Variants in BCL2L1 observed in about 807,000 individuals in gnomAD.
BCL2L1 encodes bcl-2-like protein 1.
A neutral mutation model predicts 18.7 loss-of-function variants in BCL2L1; 1 was observed. The observed-to-expected ratio is 0.05, with a 90% CI of 0.02 to 0.25. The LOEUF is 0.25. Ranked by LOEUF, BCL2L1 falls within the 10% of genes least tolerant of loss-of-function variation. The pLI is 1.00. For synonymous variants in BCL2L1, 103 were observed against 122.7 expected (o/e 0.84, Z 1.06); for missense variants, 207 against 304.9 (o/e 0.68, Z 2.39).
intron 2 of BCL2L1, among the ~76,000 whole-genome samples, chr20:31,693,589 G>C (rs747221976): frequency 1.3e-5 from 2 of 152,174 alleles, no homozygotes; most frequent in Non-Finnish European, 2.9e-5. Context: ...CTGGAGAACA[G>C]TGGCGCGATC....
At chr20:31,720,013 C>A in intron 2 of BCL2L1, 4 of 865,714 alleles carry the variant, frequency 4.6e-6, no homozygotes, top group Non-Finnish European at 5.5e-6. Context: ...GAGGTCACTG[C>A]ACAAACCAAC....
chr20:31,666,672 C>G (rs777307272), intron 2 of BCL2L1, among the ~76,000 whole-genome samples: 1 of 152,012 alleles, frequency 6.6e-6, no homozygotes, highest in Non-Finnish European at 1.5e-5. Flanking sequence ...GCTCCTCCCT[C>G]TGGAGGGAGC....
At position 31,701,106 on chromosome 20, in the gene BCL2L1, T is replaced by G. The variant is rs1340793268; in HGVS notation, c.564+20549A>C. On this transcript the variant is annotated intron_variant, in intron 2 of 2. Coordinates refer to ENST00000307677, the MANE Select transcript of BCL2L1 (RefSeq NM_138578.3). Reference sequence around the variant, plus strand: ...GTCTTGCTCTGTCGCCAGGCCGGAGTGCAGTGGTGTGATCTCAGCTCACTG... The same window carrying G: ...GTCTTGCTCTGTCGCCAGGCCGGAGGGCAGTGGTGTGATCTCAGCTCACTG... Among the ~76,000 whole-genome samples the G allele has an allele frequency of 3.3e-5, 5 of 152,008 alleles. No homozygotes were observed. In the East Asian group the frequency reaches 7.7e-4, roughly 23 times the overall value.
intron 2 of BCL2L1, among the ~76,000 whole-genome samples, chr20:31,697,461 G>A (rs1002013377): frequency 2.0e-5 from 3 of 150,972 alleles, no homozygotes; most frequent in Admixed American, 1.3e-4. Context: ...TTTTTTAGAC[G>A]GAGTCTCGCT....
At chr20:31,678,183 T>C (rs2060795021) in intron 2 of BCL2L1, among the ~76,000 whole-genome samples, 2 of 152,190 alleles carry the variant, frequency 1.3e-5, no homozygotes, top group South Asian at 2.1e-4. Flanking sequence ...TCTGAGGTCT[T>C]TGACCCCAAG....
At chr20:31,723,357 A>G, upstream of BCL2L1, 1 of 985,498 alleles carries the variant, frequency 1.0e-6, no homozygotes, top group Non-Finnish European at 1.2e-6. Context: ...TCAGGTCAGG[A>G]AGAGGGGTCG....
chr20:31,665,868 C>CT lies in BCL2L1; in HGVS notation c.*80dup. 2 of 1,557,106 alleles carry CT rather than the reference C, an allele frequency of 1.3e-6. No homozygotes were observed. The highest frequency in any genetic ancestry group is 1.7e-6 in the Non-Finnish European group (2 of 1,143,622). ...GCATGGGCTGCATGTAGTGGTTCTC[C>CT]TGGTGGCAATGGCGGCTGGACGGAG... On this transcript the variant is annotated 3_prime_UTR_variant, in exon 3 of 3. Transcript: ENST00000307677.
intron 2 of BCL2L1, among the ~76,000 whole-genome samples, chr20:31,698,241 C>A (rs2061215534): frequency 6.6e-6 from 1 of 152,124 alleles, no homozygotes; most frequent in African/African-American, 2.4e-5. Flanking sequence ...TCAAAACCCT[C>A]CAATGACTCT....
At chr20:31,709,568 T>A (rs2122765224) in intron 2 of BCL2L1, among the ~76,000 whole-genome samples, 1 of 151,972 alleles carries the variant, frequency 6.6e-6, no homozygotes, top group South Asian at 2.1e-4. Flanking sequence ...GTGCGGTGGC[T>A]CATGCCTGTA....
chr20:31,705,191 C>A (rs1302442797), intron 2 of BCL2L1, among the ~76,000 whole-genome samples: 1 of 152,170 alleles, frequency 6.6e-6, no homozygotes, highest in Non-Finnish European at 1.5e-5. Flanking sequence ...AATAAGAGAA[C>A]CTACCTGAGT....
At chr20:31,678,748 C>T (rs1210051927) in intron 2 of BCL2L1, among the ~76,000 whole-genome samples, 2 of 152,196 alleles carry the variant, frequency 1.3e-5, no homozygotes, top group Non-Finnish European at 2.9e-5. Context: ...GTGGCCTCGA[C>T]CTCTTCACCC....
At chr20:31,723,245 G>A (rs1255853982), upstream of BCL2L1, 20 of 977,234 alleles carry the variant, frequency 2.0e-5, no homozygotes, top group East Asian at 1.1e-4. Context: ...GGCCCAGAAC[G>A]TGGCAGTTGG....
At chr20:31,714,856 G>T (rs2061504236) in intron 2 of BCL2L1, among the ~76,000 whole-genome samples, 1 of 152,102 alleles carries the variant, frequency 6.6e-6, no homozygotes, top group African/African-American at 2.4e-5. Flanking sequence ...TATACCATGT[G>T]CAAGCCTGGT....
At chr20:31,718,141 C>A (rs539208449) in intron 2 of BCL2L1, among the ~76,000 whole-genome samples, 4 of 152,202 alleles carry the variant, frequency 2.6e-5, no homozygotes, top group Non-Finnish European at 4.4e-5. Flanking sequence ...TATCATTATT[C>A]CATTTTACAG....
intron 2 of BCL2L1, among the ~76,000 whole-genome samples, chr20:31,670,920 A>C (rs1222834233): frequency 6.6e-6 from 1 of 152,208 alleles, no homozygotes; most frequent in South Asian, 2.1e-4. Context: ...CTGGAAAAGC[A>C]GAGATAAGCC....
chr20:31,693,479 G>A (rs1026970324), intron 2 of BCL2L1, among the ~76,000 whole-genome samples: 5 of 152,006 alleles, frequency 3.3e-5, no homozygotes, highest in South Asian at 2.1e-4. Context: ...TATGGATGGT[G>A]GGGTAGCTGT....
intron 2 of BCL2L1, among the ~76,000 whole-genome samples, chr20:31,677,594 G>C (rs898521047): frequency 5.3e-5 from 8 of 152,154 alleles, no homozygotes; most frequent in Admixed American, 1.3e-4. Flanking sequence ...CTGGTTTATT[G>C]TTCTTACTAG....
At chr20:31,710,425 G>A (rs760199208) in intron 2 of BCL2L1, among the ~76,000 whole-genome samples, 8 of 152,164 alleles carry the variant, frequency 5.3e-5, no homozygotes, top group South Asian at 2.1e-4. Context: ...TTTACAGACC[G>A]GGAAACTGAG....
chr20:31,700,297 C>A (rs2061255421), intron 2 of BCL2L1, among the ~76,000 whole-genome samples: 1 of 152,206 alleles, frequency 6.6e-6, no homozygotes, highest in African/African-American at 2.4e-5. Context: ...CTTAACTCCT[C>A]CCCTCACTAT....
Sources: allele counts gnomAD v4.1 joint callset (sites outside exome capture counted in the v4.1 genomes callset), GRCh38; gene constraint gnomAD v4.1.1; transcripts MANE v1.5; gene names NCBI Gene and HGNC (gene_info 2026-07-23, HGNC 2026-07-21).